The following SVOPL variants were observed in gnomAD, a reference collection of about 807,000 sequenced individuals.
The protein encoded by SVOPL is SVOP like, also known as putative transporter SVOPL.
In SVOPL, 60 loss-of-function variants were observed where a neutral mutation model predicts 61.0. The observed-to-expected ratio is 0.98, with a 90% CI of 0.80 to 1.22. The LOEUF is 1.22. Among genes scored for constraint, SVOPL ranks in the 50% most tolerant of loss-of-function variants. The probability of loss-of-function intolerance (pLI) is 0.00; values close to 1 mark genes in which losing one functional copy is unlikely to be tolerated. For synonymous variants in SVOPL, 279 were observed against 250.0 expected, an observed-to-expected ratio of 1.12 and a Z score of -1.09; for missense variants, 662 against 643.9, an observed-to-expected ratio of 1.03 and a Z score of -0.30.
In SVOPL at chr7:138,693,576, A is replaced by AG. The variant is rs754950653; in HGVS notation, c.-35+7601_-35+7602insC. On this transcript the variant is annotated intron_variant, in intron 1 of 15. Coordinates refer to ENST00000674285, the MANE Select transcript of SVOPL (RefSeq NM_001139456.2). ...AAGAAAGAAAGAAAGAAAGAAAGAA[A>AG]AAAGGAAAGAAAGAAAAAAGGAAAG... 8.0e-3 allele frequency among the ~76,000 whole-genome samples: 765 copies of AG among 95,114 alleles called. 8 individuals carry two copies. The highest frequency in any genetic ancestry group is 0.015 in the Middle Eastern group (3 of 194). 62.4% of individuals were successfully genotyped at this position (95,114 alleles called of 152,430 possible).
chr7:138,677,997 C>T (rs1474870551), intron 3 of SVOPL, among the ~76,000 whole-genome samples: 4 of 152,004 alleles, frequency 2.6e-5, no homozygotes, highest in Admixed American at 6.6e-5. Context: ...AACTCCTGAC[C>T]TCAGGTGATC....
At chr7:138,678,369 A>G (rs900759900) in intron 3 of SVOPL, 65 bp downstream of exon 3, 1 of 1,512,092 alleles carries the variant, frequency 6.6e-7, no homozygotes, top group African/African-American at 1.4e-5. Flanking sequence ...TTGGCTCAGA[A>G]TAAATCTCTT....
Position 138,594,532 on chromosome 7 carries a change from C to T in SVOPL, c.*78G>A. On this transcript the variant is annotated 3_prime_UTR_variant, in exon 16 of 16. Transcript: ENST00000674285. Reference sequence around the variant, plus strand: ...ACCGAGTAGCATACAGAAGTAAAACCAAGTTTTAAAAAAATGCACCGCAGT... The same window carrying T: ...ACCGAGTAGCATACAGAAGTAAAACTAAGTTTTAAAAAAATGCACCGCAGT... The T allele has an allele frequency of 6.9e-7, 1 of 1,439,442 alleles. No homozygotes were observed. 89.2% of individuals were successfully genotyped at this position (1,439,442 alleles called of 1,614,324 possible).
chr7:138,690,266 G>A (rs1230621464), intron 1 of SVOPL, among the ~76,000 whole-genome samples: 1 of 152,180 alleles, frequency 6.6e-6, no homozygotes, highest in Non-Finnish European at 1.5e-5. Context: ...GGTCAGAGAA[G>A]CATCATTTGA....
chr7:138,622,134 C>G lies in SVOPL; in HGVS notation c.1264-999G>C, dbSNP rs71550681. On this transcript the variant is annotated intron_variant, in intron 13 of 15. Coordinates refer to ENST00000674285, the MANE Select transcript of SVOPL (RefSeq NM_001139456.2). ...TCTATCTATCTATGTATCTATCTAT[C>G]TATGTATCTATCTATGTATCTATCT... Among the ~76,000 whole-genome samples, 250 of 71,778 alleles carry G rather than the reference C, an allele frequency of 3.5e-3. 2 individuals are homozygous for G. The highest frequency in any genetic ancestry group is 5.7e-3 in the Middle Eastern group (1 of 174). 47.1% of individuals were successfully genotyped at this position (71,778 alleles called of 152,430 possible).
At chr7:138,700,539 C>T (rs138065505) in intron 1 of SVOPL, among the ~76,000 whole-genome samples, 302 of 152,048 alleles carry the variant, frequency 2.0e-3, no homozygotes, top group African/African-American at 6.9e-3. Flanking sequence ...CGGGGTTTCA[C>T]CATCTTGGTC....
At chr7:138,655,602 C>T (rs1350909514) in intron 7 of SVOPL, among the ~76,000 whole-genome samples, 2 of 151,008 alleles carry the variant, frequency 1.3e-5, no homozygotes, top group East Asian at 3.9e-4. Flanking sequence ...CACACACACT[C>T]TACAGTAATA....
chr7:138,608,520 C>T (rs1563084994), intron 14 of SVOPL, among the ~76,000 whole-genome samples: 1 of 152,120 alleles, frequency 6.6e-6, no homozygotes, highest in Non-Finnish European at 1.5e-5. Flanking sequence ...ACAGCTGTTT[C>T]CGGCATTGGA....
chr7:138,654,097 C>T (rs1321540202), intron 7 of SVOPL, among the ~76,000 whole-genome samples: 9 of 149,540 alleles, frequency 6.0e-5, no homozygotes, highest in African/African-American at 2.2e-4. Flanking sequence ...TGTCCCACTG[C>T]ACTCCAGCCT....
At chr7:138,622,333 C>A (rs564730263) in intron 13 of SVOPL, among the ~76,000 whole-genome samples, 1 of 148,882 alleles carries the variant, frequency 6.7e-6, no homozygotes, top group African/African-American at 2.5e-5. Context: ...CTCACTCTTT[C>A]GCCCAGGCTG....
intron 1 of SVOPL, among the ~76,000 whole-genome samples, chr7:138,696,399 TTTGTTGTTGTTGTTGTTTGTTG>T (rs1010278962): frequency 2.0e-5 from 3 of 151,736 alleles, no homozygotes; most frequent in African/African-American, 7.3e-5. Flanking sequence ...CCTGGCTAAT[TTTGTTGTTGTTGTTGTTTGTTG>T]TTGTTGTTGT....
intron 8 of SVOPL, chr7:138,646,193 C>T (rs73729604): frequency 1.7e-5 from 3 of 179,042 alleles, no homozygotes; most frequent in African/African-American, 2.4e-5. Context: ...ACTCAATATG[C>T]GCATCAATTC....
intron 1 of SVOPL, among the ~76,000 whole-genome samples, chr7:138,692,566 A>C (rs1802965800): frequency 6.6e-6 from 1 of 151,888 alleles, no homozygotes. Context: ...CTGATTAAAA[A>C]ATAATAATAA....
intron 2 of SVOPL, among the ~76,000 whole-genome samples, 197 bp downstream of exon 2, chr7:138,678,767 C>T (rs1802634930): frequency 6.6e-6 from 1 of 152,186 alleles, no homozygotes; most frequent in Non-Finnish European, 1.5e-5. Flanking sequence ...GACGGGATTT[C>T]ACCATGTTGG....
At chr7:138,693,609 AAAG>A (rs1328426581) in intron 1 of SVOPL, among the ~76,000 whole-genome samples, 97 of 151,240 alleles carry the variant, frequency 6.4e-4, no homozygotes, top group African/African-American at 2.2e-3. Context: ...AAGAAAGAAA[AAAG>A]AAAGAAAGAA....
At chr7:138,649,194 A>C in intron 7 of SVOPL, 57 bp from the exon 8 acceptor site, 1 of 1,535,266 alleles carries the variant, frequency 6.5e-7, no homozygotes. Flanking sequence ...CAATGAAAAA[A>C]AAAAAGGAAA....
At chr7:138,600,338 CTG>C (rs942193645) in intron 14 of SVOPL, among the ~76,000 whole-genome samples, 2 of 152,210 alleles carry the variant, frequency 1.3e-5, no homozygotes, top group Non-Finnish European at 2.9e-5. Context: ...TGGCTCACAT[CTG>C]TAACTGTAGA....
intron 10 of SVOPL, 35 bp from the exon 11 acceptor site, chr7:138,628,398 T>C: frequency 6.2e-7 from 1 of 1,604,732 alleles, no homozygotes; most frequent in South Asian, 1.1e-5. Flanking sequence ...TAGCCAACGC[T>C]GACACCAGAC....
At chr7:138,692,051 C>G (rs1323789492) in intron 1 of SVOPL, among the ~76,000 whole-genome samples, 2 of 151,886 alleles carry the variant, frequency 1.3e-5, no homozygotes, top group Admixed American at 1.3e-4. Flanking sequence ...CTCCTAACCT[C>G]AAGTGAATCA....
Sources: gnomAD v4.1 joint callset for allele counts (sites outside exome capture counted in the v4.1 genomes callset) on GRCh38, gnomAD v4.1.1 for gene constraint, MANE v1.5 for transcripts, NCBI Gene and HGNC (gene_info 2026-07-23, HGNC 2026-07-21) for gene names.